The following NCOA7 variants were observed in gnomAD, a reference collection of about 807,000 sequenced individuals.
The protein encoded by NCOA7 is 140 kDa estrogen receptor-associated protein.
In NCOA7, 45 loss-of-function variants were observed where a neutral mutation model predicts 104.3. That is an observed-to-expected ratio of 0.43 (90% CI 0.34 to 0.55). The LOEUF is 0.55. NCOA7 is among the 20% of genes least tolerant of loss of function. The pLI is 0.02. For missense variants in NCOA7, 1,041 were observed against 1,119.7 expected, an observed-to-expected ratio of 0.93 and a Z score of 1.00; for synonymous variants, 398 against 402.3, an observed-to-expected ratio of 0.99 and a Z score of 0.13.
At chr6:125,793,583 C>G (rs1178751643) in intron 1 of NCOA7, among the ~76,000 whole-genome samples, 1 of 152,172 alleles carries the variant, frequency 6.6e-6, no homozygotes, top group Non-Finnish European at 1.5e-5. Context: ...CCCACAAGCA[C>G]CACCAGAATG....
chr6:125,875,693 AC>A (rs1318006211), intron 4 of NCOA7, among the ~76,000 whole-genome samples: 1 of 152,160 alleles, frequency 6.6e-6, no homozygotes, highest in Non-Finnish European at 1.5e-5. Flanking sequence ...ATGTTGCTTA[AC>A]TTAATTTATC....
chr6:125,797,066 G>A (rs76348867), intron 1 of NCOA7, among the ~76,000 whole-genome samples: 1,960 of 152,320 alleles, frequency 0.013, 20 homozygotes, highest in African/African-American at 0.027. Context: ...TCATCTGGGA[G>A]AGTGTCTTTT....
At position 125,855,452 on chromosome 6, in the gene NCOA7, C is replaced by CA. The variant is rs1781473415; in HGVS notation, c.271+213dup. Reference sequence around the variant, plus strand: ...AAATTTGTGTTCCCAGCATTTAGCACAGTGCCCAGAATGTATTGTGTACTA... The same window carrying CA: ...AAATTTGTGTTCCCAGCATTTAGCACAAGTGCCCAGAATGTATTGTGTACTA... On this transcript the variant is annotated intron_variant, in intron 3 of 15. Transcript: ENST00000392477. 3 of 485,940 alleles carry CA rather than the reference C, an allele frequency of 6.2e-6. No individual in the cohort carries two copies. In the Admixed American group the frequency reaches 1.1e-4, roughly 17 times the overall value. 30.1% of individuals were successfully genotyped at this position (485,940 alleles called of 1,614,324 possible). A position where few individuals can be genotyped will look rare whatever the true frequency, so the allele number is the denominator to read the frequency against.
intron 2 of NCOA7, among the ~76,000 whole-genome samples, chr6:125,844,198 TA>T (rs1395464875): frequency 5.9e-5 from 9 of 152,338 alleles, no homozygotes; most frequent in African/African-American, 2.2e-4. Flanking sequence ...TCTTTGAGGC[TA>T]GGGGAAATGC....
intron 10 of NCOA7, 51 bp downstream of exon 10, chr6:125,890,861 C>A: frequency 1.4e-6 from 2 of 1,380,922 alleles, no homozygotes; most frequent in Non-Finnish European, 1.9e-6. Flanking sequence ...GTTTGGATGG[C>A]GTTTTGATAT....
At chr6:125,886,888 G>A (rs1408061672) in intron 8 of NCOA7, among the ~76,000 whole-genome samples, 4 of 152,260 alleles carry the variant, frequency 2.6e-5, no homozygotes, top group African/African-American at 9.6e-5. Flanking sequence ...TTGTGTGAGA[G>A]TGTGTGTATG....
chr6:125,847,925 C>T (rs886657540), intron 2 of NCOA7, among the ~76,000 whole-genome samples: 1 of 151,462 alleles, frequency 6.6e-6, no homozygotes, highest in African/African-American at 2.4e-5. Flanking sequence ...GGCTAATATC[C>T]AGAATCTACA....
chr6:125,927,077 GTTAT>G (rs1423106133), intron 13 of NCOA7, among the ~76,000 whole-genome samples: 2 of 152,110 alleles, frequency 1.3e-5, no homozygotes, highest in Non-Finnish European at 1.5e-5. Context: ...ATATTACGGG[GTTAT>G]TTGTTTCTTA....
chr6:125,876,012 T>G (rs1783342344), intron 4 of NCOA7, among the ~76,000 whole-genome samples: 1 of 152,244 alleles, frequency 6.6e-6, no homozygotes, highest in Non-Finnish European at 1.5e-5. Context: ...GTTGTAGATA[T>G]ATTTTAATTC....
intron 10 of NCOA7, among the ~76,000 whole-genome samples, chr6:125,908,680 G>A (rs1229490824): frequency 6.6e-6 from 1 of 152,132 alleles, no homozygotes; most frequent in Non-Finnish European, 1.5e-5. Context: ...ATGATGAGTG[G>A]TCTTCATCAA....
At position 125,927,778 on chromosome 6, in the gene NCOA7, A is replaced by C. The variant is rs765982043; in HGVS notation, c.2619+20A>C. 6.4e-7 allele frequency: 1 copy of C among 1,568,402 alleles called. No individual in the cohort carries two copies. On this transcript the variant is annotated intron_variant, in intron 14 of 15. Transcript: ENST00000392477. The stretch of plus-strand genomic sequence containing the variant: ...TTTAAGGTACCTAGATAGGAGAAAT[A>C]TCCAACTCCCATATGTCACAGTGTC...
Position 125,890,817 on chromosome 6 carries a change from A to G in NCOA7, c.2096+7A>G. On this transcript the variant is annotated splice_region_variant and intron_variant, in intron 10 of 15. Transcript: ENST00000392477. ...TTGCTGTTCCTCGGGAGAGGTGAGTATGGGCTACAATGGAAAGTCTGTGGG... is the reference window on the plus strand; with the variant it reads ...TTGCTGTTCCTCGGGAGAGGTGAGTGTGGGCTACAATGGAAAGTCTGTGGG... The G allele has an allele frequency of 6.4e-7, 1 of 1,569,990 alleles. No homozygotes were observed. The highest frequency in any genetic ancestry group is 8.6e-7 in the Non-Finnish European group (1 of 1,158,240).
chr6:125,912,019 T>C (rs1195608768), intron 10 of NCOA7, among the ~76,000 whole-genome samples: 2 of 152,238 alleles, frequency 1.3e-5, no homozygotes, highest in Non-Finnish European at 2.9e-5. Flanking sequence ...TTTGGTTAAT[T>C]ACCGTGAGGT....
chr6:125,920,374 C>T (rs1184529191), intron 11 of NCOA7, among the ~76,000 whole-genome samples: 1 of 152,108 alleles, frequency 6.6e-6, no homozygotes, highest in African/African-American at 2.4e-5. Context: ...CCGCAAACTC[C>T]CTATTTATAG....
At chr6:125,901,752 G>A (rs557487039) in intron 10 of NCOA7, among the ~76,000 whole-genome samples, 27 of 152,134 alleles carry the variant, frequency 1.8e-4, no homozygotes, top group Non-Finnish European at 3.8e-4. Flanking sequence ...CTTGGTACCC[G>A]GGTTCTTGTC....
At chr6:125,821,481 G>T (rs1019360182) in intron 2 of NCOA7, among the ~76,000 whole-genome samples, 1 of 152,138 alleles carries the variant, frequency 6.6e-6, no homozygotes, top group Non-Finnish European at 1.5e-5. Flanking sequence ...GCTACTCACA[G>T]TGTGGGTTGC....
rs59933115 is a variant in NCOA7, at chr6:125,830,761, ATGTG to A, written c.50+15375_50+15378del. Among the ~76,000 whole-genome samples, 512 of 144,066 alleles carry A rather than the reference ATGTG, an allele frequency of 3.6e-3. 3 individuals are homozygous for A. The highest frequency in any genetic ancestry group is 0.013 in the African/African-American group (488 of 38,714). 94.5% of individuals were successfully genotyped at this position (144,066 alleles called of 152,430 possible). On this transcript the variant is annotated intron_variant, in intron 2 of 15. Transcript: ENST00000392477. ...TATGTGTGTGTGTGTGTGTGTGTGT[ATGTG>A]TGTGTGTGTGTGTGTGTATAGATAT...
At chr6:125,850,889 C>A (rs935923821) in intron 2 of NCOA7, among the ~76,000 whole-genome samples, 27 of 152,068 alleles carry the variant, frequency 1.8e-4, no homozygotes, top group African/African-American at 6.0e-4. Context: ...TAGATTGCTG[C>A]AGAATAATTT....
chr6:125,913,098 T>G (rs1786730405), intron 10 of NCOA7, among the ~76,000 whole-genome samples: 2 of 152,210 alleles, frequency 1.3e-5, no homozygotes, highest in Admixed American at 1.3e-4. Context: ...TTTTATAGCC[T>G]TTCAGAGTAG....
Sources: gnomAD v4.1 joint callset for allele counts (sites outside exome capture counted in the v4.1 genomes callset) on GRCh38, gnomAD v4.1.1 for gene constraint, MANE v1.5 for transcripts, NCBI Gene and HGNC (gene_info 2026-07-23, HGNC 2026-07-21) for gene names.